The following OR4N2 variants were observed in gnomAD, a reference collection of about 807,000 sequenced individuals.
OR4N2 encodes the protein olfactory receptor 4N2.
For missense variants in OR4N2, 307 were observed against 377.6 expected (o/e 0.81, Z 1.55); for synonymous variants, 141 against 140.4 (o/e 1.00, Z -0.03).
intron 1 of OR4N2, among the ~76,000 whole-genome samples, chr14:19,817,555 A>T (rs1285821563): frequency 1.3e-5 from 2 of 152,090 alleles, no homozygotes; most frequent in Non-Finnish European, 2.9e-5. Flanking sequence ...ATCATTTTCT[A>T]TTGTGTCTAT....
rs376095649 is a variant in OR4N2 at position 19,827,767 on chromosome 14, C to G, written c.319C>G (p.Leu107Val). ...CITQLFFLHF[L>V]GGGEGLLLVV... ...CACTCAGCTCTTTTTCTTGCACTTC[C>G]TTGGAGGAGGGGAGGGATTACTCCT... is the stretch of plus-strand genomic sequence containing the variant. The change falls in exon 2 of 2, where the codon CTT (leucine) becomes GTT (valine). Residue 107 changes from leucine (L) to valine (V), a missense_variant. Coordinates refer to ENST00000557677, the MANE Select transcript of OR4N2 (RefSeq NM_001004723.3). 3.7e-5 allele frequency: 60 copies of G among 1,614,098 alleles called. No homozygotes were observed. Among genetic ancestry groups the G allele is most frequent in the Non-Finnish European group, 4.9e-5 (58 of 1,180,034 alleles).
chr14:19,818,795 G>T (rs1334934836), intron 1 of OR4N2, among the ~76,000 whole-genome samples: 5 of 152,344 alleles, frequency 3.3e-5, no homozygotes, highest in Admixed American at 2.0e-4. Flanking sequence ...TTTACAATTT[G>T]GTATGTTTTT....
chr14:19,814,154 G>C (rs58516514), intron 1 of OR4N2, among the ~76,000 whole-genome samples: 1 of 152,010 alleles, frequency 6.6e-6, no homozygotes, highest in East Asian at 1.9e-4. Flanking sequence ...TTTTAAAATA[G>C]AATTAATAAA....
In OR4N2 at chr14:19,823,884, G is replaced by A. The variant is rs11846412; in HGVS notation, c.-9-3556G>A. Among the ~76,000 whole-genome samples, 348 of 152,248 alleles carry A rather than the reference G, an allele frequency of 2.3e-3. 1 individual carries two copies. The highest frequency in any genetic ancestry group is 7.8e-3 in the African/African-American group (324 of 41,516). On this transcript the variant is annotated intron_variant, in intron 1 of 1. Transcript: ENST00000557677. The stretch of plus-strand genomic sequence containing the variant: ...AGGAAGGAGGTTGAGTAAGCACATA[G>A]GATCTCTAAACACTTGGCTCCAGGA...
intron 1 of OR4N2, among the ~76,000 whole-genome samples, chr14:19,809,910 T>C (rs1594393669): frequency 6.6e-6 from 1 of 152,324 alleles, no homozygotes; most frequent in East Asian, 1.9e-4. Context: ...GAAGATAACC[T>C]AGGAAATTCC....
Position 19,828,052 on chromosome 14 carries a change from A to G in OR4N2, c.604A>G (p.Asn202Asp), listed in dbSNP as rs1431009114. 6.2e-7 allele frequency: 1 copy of G among 1,614,118 alleles called. No homozygotes were observed. The highest frequency in any genetic ancestry group is 1.3e-5 in the African/African-American group (1 of 74,926). Residue 202 changes from asparagine (N) to aspartate (D), a missense_variant, in exon 2 of 2, where the codon AAC becomes GAC. Physicochemically the swap from Asn to Asp is conservative, Grantham distance 23 (BLOSUM62 1). Coordinates refer to ENST00000557677, the MANE Select transcript of OR4N2 (RefSeq NM_001004723.3). ...TFVVELLMVF[N>D]SGLMTLLCFL... ...TGTGGTGGAGCTTCTGATGGTCTTCAACAGTGGCCTGATGACACTCCTGTG... is the reference window on the plus strand; with the variant it reads ...TGTGGTGGAGCTTCTGATGGTCTTCGACAGTGGCCTGATGACACTCCTGTG...
chr14:19,825,932 G>A (rs1879687016), intron 1 of OR4N2, among the ~76,000 whole-genome samples: 3 of 152,172 alleles, frequency 2.0e-5, no homozygotes, highest in Admixed American at 6.5e-5. Flanking sequence ...ATTACAGTTT[G>A]TATTTTGTTG....
chr14:19,809,830 A>T (rs1368165279), intron 1 of OR4N2, among the ~76,000 whole-genome samples: 6 of 152,262 alleles, frequency 3.9e-5, no homozygotes, highest in Admixed American at 1.3e-4. Context: ...CCCTTCTTAT[A>T]CCATATACAA....
intron 1 of OR4N2, chr14:19,822,298 A>T (rs887333447): frequency 6.6e-6 from 1 of 152,288 alleles, no homozygotes; most frequent in African/African-American, 2.4e-5. Context: ...AAAATCATAC[A>T]AATGACTGAT....
Position 19,828,253 on chromosome 14 carries a change from A to G in OR4N2, c.805A>G (p.Lys269Glu). The change falls in exon 2 of 2, where the codon AAG becomes GAG. Residue 269 changes from lysine (K) to glutamate (E), a missense_variant. Transcript: ENST00000557677. ...CCCCTTCAGGGCTTTCCCAGCTGAC[A>G]AGGTGGTTTCTCTCTTCCACACAGT... The part of the protein sequence containing the change: ...TRPFRAFPAD[K>E]VVSLFHTVIF... 1.9e-6 allele frequency: 3 copies of G among 1,614,238 alleles called. No individual in the cohort carries two copies. The highest frequency in any genetic ancestry group is 2.5e-6 in the Non-Finnish European group (3 of 1,180,030).
Position 19,828,965 on chromosome 14 carries a change from A to G in OR4N2, c.*593A>G, listed in dbSNP as rs1380387153. On this transcript the variant is annotated 3_prime_UTR_variant, in exon 2 of 2. Coordinates refer to ENST00000557677, the MANE Select transcript of OR4N2 (RefSeq NM_001004723.3). ...AGTAAATATGAGTTTTCATTTTATTACAATTACAATAAGAAGCCATTCTGT... is the reference window on the plus strand; with the variant it reads ...AGTAAATATGAGTTTTCATTTTATTGCAATTACAATAAGAAGCCATTCTGT... The G allele has an allele frequency of 6.5e-6, 1 of 153,688 alleles. No individual in the cohort carries two copies. Among genetic ancestry groups the G allele is most frequent in the Non-Finnish European group, 1.4e-5 (1 of 69,040 alleles). 9.5% of individuals were successfully genotyped at this position (153,688 alleles called of 1,614,324 possible).
intron 1 of OR4N2, among the ~76,000 whole-genome samples, chr14:19,811,125 C>G (rs1156926979): frequency 6.6e-6 from 1 of 152,214 alleles, no homozygotes; most frequent in Non-Finnish European, 1.5e-5. Flanking sequence ...GATACCATTT[C>G]CCAACTTTCT....
chr14:19,806,452 C>A (rs1238493470), intron 1 of OR4N2, among the ~76,000 whole-genome samples: 1 of 151,996 alleles, frequency 6.6e-6, no homozygotes, highest in African/African-American at 2.4e-5. Context: ...ATGAAACAAG[C>A]CAACAACAAT....
rs527422211 is a variant in OR4N2, at chr14:19,825,269, A to G, written c.-9-2171A>G. Among the ~76,000 whole-genome samples the G allele has an allele frequency of 5.9e-5, 9 of 152,366 alleles. No homozygotes were observed. The East Asian group carries it at 1.7e-3, about 29-fold the overall frequency. On this transcript the variant is annotated intron_variant, in intron 1 of 1. Transcript: ENST00000557677. ...GTAACACCCAGAAATTTCTGTATTAACCACTCTATTCCATTCTAGGGATAC... is the reference window on the plus strand; with the variant it reads ...GTAACACCCAGAAATTTCTGTATTAGCCACTCTATTCCATTCTAGGGATAC...
chr14:19,805,607 C>A (rs1301811156), intron 1 of OR4N2, among the ~76,000 whole-genome samples: 2 of 152,142 alleles, frequency 1.3e-5, no homozygotes, highest in Non-Finnish European at 2.9e-5. Flanking sequence ...ACCAAATCTA[C>A]AACTCATTAC....
intron 1 of OR4N2, among the ~76,000 whole-genome samples, chr14:19,813,817 A>C (rs1879359682): frequency 6.7e-6 from 1 of 149,478 alleles, no homozygotes; most frequent in Non-Finnish European, 1.5e-5. Flanking sequence ...CTCCTTGTGG[A>C]CTAGTATCTC....
chr14:19,812,389 G>T (rs559129530), intron 1 of OR4N2, among the ~76,000 whole-genome samples: 1 of 147,710 alleles, frequency 6.8e-6, no homozygotes, highest in African/African-American at 2.5e-5. Context: ...CTCGACAGTG[G>T]CGCAATCTCG....
intron 1 of OR4N2, among the ~76,000 whole-genome samples, chr14:19,818,747 C>G (rs544737116): frequency 6.6e-6 from 1 of 151,612 alleles, no homozygotes; most frequent in South Asian, 2.1e-4. Context: ...GTTATTTTGC[C>G]TGTTGGTTAA....
intron 1 of OR4N2, among the ~76,000 whole-genome samples, chr14:19,824,314 G>C (rs1215645737): frequency 6.6e-6 from 1 of 152,216 alleles, no homozygotes; most frequent in Non-Finnish European, 1.5e-5. Flanking sequence ...AAATGGGACA[G>C]GGAAGAAAGT....
Sources: allele counts gnomAD v4.1 joint callset (sites outside exome capture counted in the v4.1 genomes callset), GRCh38; gene constraint gnomAD v4.1.1; transcripts MANE v1.5; gene names NCBI Gene and HGNC (gene_info 2026-07-23, HGNC 2026-07-21).